Variants in CDH4 observed in about 807,000 individuals in gnomAD.
CDH4 encodes the protein cadherin 4.
Under a neutral mutation model 86.0 loss-of-function variants are expected in CDH4, and 33 were observed. The observed-to-expected ratio is 0.38, with a 90% confidence interval of 0.29 to 0.51. CDH4 has a LOEUF of 0.51. Among genes scored for constraint, CDH4 ranks in the 20% least tolerant of loss-of-function variants. CDH4 has a pLI of 0.86. For missense variants in CDH4, 1,114 were observed against 1,307.4 expected (o/e 0.85, Z 2.28); for synonymous variants, 555 against 549.4 (o/e 1.01, Z -0.14).
At chr20:61,372,065 T>C (rs988272183) in intron 2 of CDH4, among the ~76,000 whole-genome samples, 1 of 152,206 alleles carries the variant, frequency 6.6e-6, no homozygotes, top group African/African-American at 2.4e-5. Flanking sequence ...TCCATACTTT[T>C]GCTCCACATT....
chr20:61,753,745 A>G (rs1164427141), intron 3 of CDH4, among the ~76,000 whole-genome samples: 2 of 152,146 alleles, frequency 1.3e-5, no homozygotes, highest in Non-Finnish European at 2.9e-5. Flanking sequence ...AGCACACGTC[A>G]GCGTTTATGA....
intron 2 of CDH4, among the ~76,000 whole-genome samples, chr20:61,388,644 C>CG (rs1167409342): frequency 6.6e-6 from 1 of 152,124 alleles, no homozygotes; most frequent in Non-Finnish European, 1.5e-5. Context: ...TAAAACAACT[C>CG]GGGGGTACTC....
At chr20:61,905,971 G>C (rs115575607) in intron 8 of CDH4, among the ~76,000 whole-genome samples, 15 of 152,012 alleles carry the variant, frequency 9.9e-5, no homozygotes, top group Non-Finnish European at 2.1e-4. Flanking sequence ...TCACCATGAC[G>C]CTCCCCTGGA....
intron 2 of CDH4, among the ~76,000 whole-genome samples, chr20:61,652,676 C>A (rs1341961514): frequency 6.6e-6 from 1 of 151,858 alleles, no homozygotes; most frequent in Non-Finnish European, 1.5e-5. Flanking sequence ...TCCATACATC[C>A]CCACCATTGG....
At chr20:61,880,167 G>A (rs1001050008) in intron 7 of CDH4, among the ~76,000 whole-genome samples, 3 of 152,154 alleles carry the variant, frequency 2.0e-5, no homozygotes, top group Admixed American at 1.3e-4. Context: ...GTTCGTCGGT[G>A]ACCAGAATGT....
At chr20:61,349,145 A>G (rs1442889368) in intron 2 of CDH4, among the ~76,000 whole-genome samples, 1 of 152,226 alleles carries the variant, frequency 6.6e-6, no homozygotes, top group Non-Finnish European at 1.5e-5. Flanking sequence ...TATATGGAAC[A>G]TGGGCCACTT....
intron 2 of CDH4, among the ~76,000 whole-genome samples, chr20:61,546,340 TATGC>T (rs1235901024): frequency 6.7e-6 from 1 of 150,084 alleles, no homozygotes; most frequent in Non-Finnish European, 1.5e-5. Context: ...GAGGTGTGTA[TATGC>T]GTGTGTGTGG....
At chr20:61,593,027 G>A (rs1048107374) in intron 2 of CDH4, among the ~76,000 whole-genome samples, 55 of 152,146 alleles carry the variant, frequency 3.6e-4, no homozygotes, top group African/African-American at 1.3e-3. Context: ...TCAGGTCAGA[G>A]AAGAAGTGGC....
intron 2 of CDH4, among the ~76,000 whole-genome samples, chr20:61,668,314 T>C (rs2087349884): frequency 6.6e-6 from 1 of 152,206 alleles, no homozygotes; most frequent in African/African-American, 2.4e-5. Context: ...CGCACATGCA[T>C]GTGCAGGCAG....
At chr20:61,913,893 T>A (rs2054877285) in intron 9 of CDH4, among the ~76,000 whole-genome samples, 1 of 152,160 alleles carries the variant, frequency 6.6e-6, no homozygotes, top group Admixed American at 6.5e-5. Flanking sequence ...CGGGCCACCC[T>A]CTGCTGAGTT....
At chr20:61,493,974 T>A (rs1488810633) in intron 2 of CDH4, among the ~76,000 whole-genome samples, 1 of 151,966 alleles carries the variant, frequency 6.6e-6, no homozygotes, top group East Asian at 1.9e-4. Context: ...ACCTGAACAC[T>A]CTGGAGCGGA....
At chr20:61,284,725 G>A (rs753898422) in intron 2 of CDH4, among the ~76,000 whole-genome samples, 1 of 152,202 alleles carries the variant, frequency 6.6e-6, no homozygotes, top group African/African-American at 2.4e-5. Flanking sequence ...ATCCAAACTG[G>A]CTGAAGCCCC....
chr20:61,726,515 C>T (rs1163942922), intron 2 of CDH4, among the ~76,000 whole-genome samples: 4 of 152,110 alleles, frequency 2.6e-5, no homozygotes, highest in Non-Finnish European at 4.4e-5. Context: ...CTCTGTGTCT[C>T]GAGTTTGGTA....
intron 5 of CDH4, among the ~76,000 whole-genome samples, chr20:61,851,436 C>G (rs1418270892): frequency 6.6e-6 from 1 of 152,234 alleles, no homozygotes; most frequent in Non-Finnish European, 1.5e-5. Context: ...CCCTGATCCC[C>G]TGAGTTCGGG....
intron 2 of CDH4, among the ~76,000 whole-genome samples, chr20:61,425,572 A>G (rs138071025): frequency 4.6e-5 from 7 of 152,372 alleles, no homozygotes; most frequent in African/African-American, 1.7e-4. Context: ...TATCCGTGAG[A>G]TAAGGCACAG....
At chr20:61,416,708 A>G (rs1046289538) in intron 2 of CDH4, among the ~76,000 whole-genome samples, 27 of 152,186 alleles carry the variant, frequency 1.8e-4, no homozygotes, top group African/African-American at 6.5e-4. Context: ...GACCAGACCC[A>G]TTGAAGGCAC....
intron 4 of CDH4, among the ~76,000 whole-genome samples, chr20:61,822,703 T>C (rs1325325566): frequency 6.6e-6 from 1 of 151,938 alleles, no homozygotes; most frequent in East Asian, 1.9e-4. Flanking sequence ...CTTCACTGAG[T>C]TTGGGGCGGG....
At chr20:61,311,564 C>T (rs1157400419) in intron 2 of CDH4, among the ~76,000 whole-genome samples, 1 of 152,134 alleles carries the variant, frequency 6.6e-6, no homozygotes, top group Non-Finnish European at 1.5e-5. Flanking sequence ...CACTAGTAAC[C>T]AAGGGAAAGT....
chr20:61,275,133 G>A (rs1182922790), intron 2 of CDH4, among the ~76,000 whole-genome samples: 3 of 134,300 alleles, frequency 2.2e-5, no homozygotes, highest in Non-Finnish European at 3.2e-5. Context: ...GGGGAGTACT[G>A]TGTGCAGTTT....
Sources: gnomAD v4.1 joint callset for allele counts (sites outside exome capture counted in the v4.1 genomes callset) on GRCh38, gnomAD v4.1.1 for gene constraint, MANE v1.5 for transcripts, NCBI Gene and HGNC (gene_info 2026-07-23, HGNC 2026-07-21) for gene names.